BCL11B: variants seen among roughly 807,000 people sequenced by gnomAD.
BCL11B encodes B-cell lymphoma/leukemia 11B.
In BCL11B, 8 loss-of-function variants were observed where a neutral mutation model predicts 49.9. That is an observed-to-expected ratio of 0.16 (90% CI 0.09 to 0.29). The LOEUF (loss-of-function observed/expected upper bound fraction) is 0.29. Among genes scored for constraint, BCL11B ranks in the 10% least tolerant of loss-of-function variants. The probability of loss-of-function intolerance (pLI) is 1.00; values close to 1 mark genes in which losing one functional copy is unlikely to be tolerated. For synonymous variants in BCL11B, 739 were observed against 637.4 expected, an observed-to-expected ratio of 1.16 and a Z score of -2.40; for missense variants, 1,006 against 1,351.0, an observed-to-expected ratio of 0.74 and a Z score of 4.00.
chr14:99,202,122 T>C (rs975430528), intron 3 of BCL11B, among the ~76,000 whole-genome samples: 2 of 152,102 alleles, frequency 1.3e-5, no homozygotes, highest in Admixed American at 1.3e-4. Flanking sequence ...GCTGGGATTA[T>C]AGGCATACAC....
At position 99,228,273 on chromosome 14, in the gene BCL11B, CTAAT is replaced by C. The variant is rs1888214560; in HGVS notation, c.640+3068_640+3071del. On this transcript the variant is annotated intron_variant, in intron 3 of 3. Transcript: ENST00000357195. The surrounding 1 kb of genome is among the most constrained non-coding windows in gnomAD (Gnocchi z 4.8). ...GAACTTAATGACTCCATTCCAACTA[CTAAT>C]TAAACAGGCACTAAAAACACTTAAG... Among the ~76,000 whole-genome samples, 1 of 152,172 alleles carries C rather than the reference CTAAT, an allele frequency of 6.6e-6. No individual in the cohort carries two copies. The highest frequency in any genetic ancestry group is 6.5e-5 in the Admixed American group (1 of 15,284).
At chr14:99,206,606 G>T (rs1887540536) in intron 3 of BCL11B, among the ~76,000 whole-genome samples, 1 of 152,226 alleles carries the variant, frequency 6.6e-6, no homozygotes, top group African/African-American at 2.4e-5. Context: ...AACTGTGGTA[G>T]TATCGCAGTG....
At chr14:99,214,118 C>T (rs1887763638) in intron 3 of BCL11B, among the ~76,000 whole-genome samples, 1 of 152,230 alleles carries the variant, frequency 6.6e-6, no homozygotes, top group Admixed American at 6.5e-5. Context: ...CCCTTCCCTT[C>T]TGGCACAGTG....
At chr14:99,208,117 G>A (rs1887586709) in intron 3 of BCL11B, among the ~76,000 whole-genome samples, 1 of 152,210 alleles carries the variant, frequency 6.6e-6, no homozygotes, top group Non-Finnish European at 1.5e-5. Flanking sequence ...AAGTCCCAGG[G>A]GCCATGCATG....
intron 3 of BCL11B, among the ~76,000 whole-genome samples, chr14:99,201,663 CT>C (rs930151695): frequency 2.0e-5 from 3 of 152,334 alleles, no homozygotes; most frequent in African/African-American, 7.2e-5. Context: ...TGCACCGCCC[CT>C]GGCACATCCC....
At chr14:99,269,298 A>G (rs980533877) in intron 1 of BCL11B, among the ~76,000 whole-genome samples, 15 of 152,152 alleles carry the variant, frequency 9.9e-5, no homozygotes, top group Non-Finnish European at 2.1e-4. Context: ...AGGGTGTAGA[A>G]TAAGCGATTG....
At chr14:99,214,310 T>C (rs1887768221) in intron 3 of BCL11B, among the ~76,000 whole-genome samples, 2 of 152,116 alleles carry the variant, frequency 1.3e-5, no homozygotes, top group African/African-American at 4.8e-5. Context: ...CCCAGTGTTT[T>C]GGGAGGCCGA....
Position 99,172,657 on chromosome 14 carries a change from A to T in BCL11B, c.*1494T>A, listed in dbSNP as rs1886328840. 1 of 215,430 alleles carries T rather than the reference A, an allele frequency of 4.6e-6. No homozygotes were observed. Among genetic ancestry groups the T allele is most frequent in the Non-Finnish European group, 9.4e-6 (1 of 106,610 alleles). 13.3% of individuals were successfully genotyped at this position (215,430 alleles called of 1,614,324 possible). A position where few individuals can be genotyped will look rare whatever the true frequency, so the allele number is the denominator to read the frequency against. On this transcript the variant is annotated 3_prime_UTR_variant, in exon 4 of 4. Transcript: ENST00000357195. Reference sequence around the variant, plus strand: ...GTGAATGCCACGCTTAGCAATACTGACACTCAATCTCAGCTGTCCCTTACA... The same window carrying T: ...GTGAATGCCACGCTTAGCAATACTGTCACTCAATCTCAGCTGTCCCTTACA...
At chr14:99,186,186 A>G (rs187312487) in intron 3 of BCL11B, among the ~76,000 whole-genome samples, 3 of 152,328 alleles carry the variant, frequency 2.0e-5, no homozygotes, top group African/African-American at 7.2e-5. Flanking sequence ...GGACCAGGAA[A>G]GATTCTCCAA....
rs1887506438 is a variant in BCL11B, at chr14:99,205,411, G to A, written c.640+25934C>T. ...GTTTGACGGTTTGGGAAAATTCGCG[G>A]ACTCTCCCAAAGCCTGCATCTCCCA... On this transcript the variant is annotated intron_variant, in intron 3 of 3. Coordinates refer to ENST00000357195, the MANE Select transcript of BCL11B (RefSeq NM_138576.4). This position sits in a 1 kb window ranked among gnomAD's most constrained non-coding sequence, Gnocchi z 5.0. Among the ~76,000 whole-genome samples, 2 of 152,170 alleles carry A rather than the reference G, an allele frequency of 1.3e-5. No individual in the cohort carries two copies. Among genetic ancestry groups the A allele is most frequent in the African/African-American group, 2.4e-5 (1 of 41,444 alleles).
intron 2 of BCL11B, among the ~76,000 whole-genome samples, chr14:99,254,647 G>A (rs757101921): frequency 1.1e-4 from 17 of 152,252 alleles, no homozygotes; most frequent in Admixed American, 7.2e-4. Context: ...GGCCAGCGAG[G>A]CCCTGGGGAC....
rs753451943 is a variant in BCL11B, at chr14:99,172,288, A to C, written c.*1863T>G. ...CATATCTAAGCAGCGTTGTCCCAAA[A>C]ACAAAAGGGGCTGAGGATAATTCAG... On this transcript the variant is annotated 3_prime_UTR_variant, in exon 4 of 4. Transcript: ENST00000357195. 5.3e-5 allele frequency: 12 copies of C among 226,180 alleles called. No homozygotes were observed. The highest frequency in any genetic ancestry group is 9.7e-5 in the Non-Finnish European group (11 of 113,484). The allele number at this position is 226,180 out of a possible 1,614,324, so 14.0% of individuals were successfully genotyped here. A position where few individuals can be genotyped will look rare whatever the true frequency, so the allele number is the denominator to read the frequency against.
intron 2 of BCL11B, among the ~76,000 whole-genome samples, chr14:99,239,680 C>A (rs1478993030): frequency 6.6e-6 from 1 of 152,148 alleles, no homozygotes; most frequent in African/African-American, 2.4e-5. Flanking sequence ...CTGTGCCTGA[C>A]CTTTGAGGAA....
chr14:99,188,757 C>T (rs1886935446), intron 3 of BCL11B, among the ~76,000 whole-genome samples: 2 of 152,228 alleles, frequency 1.3e-5, no homozygotes, highest in African/African-American at 4.8e-5. Context: ...GGGCCAGGGG[C>T]TGGTGGGGAG....
chr14:99,208,327 C>T (rs1887592872), intron 3 of BCL11B, among the ~76,000 whole-genome samples: 1 of 152,168 alleles, frequency 6.6e-6, no homozygotes, highest in Non-Finnish European at 1.5e-5. Flanking sequence ...CTCGGACTTC[C>T]CTGAGCCCCA....
Position 99,231,603 on chromosome 14 carries a change from T to C in BCL11B, c.428-46A>G, listed in dbSNP as rs748466482. 2.7e-5 allele frequency: 40 copies of C among 1,483,786 alleles called. No individual in the cohort carries two copies. The highest frequency in any genetic ancestry group is 3.7e-5 in the Non-Finnish European group (40 of 1,092,942). 91.9% of individuals were successfully genotyped at this position (1,483,786 alleles called of 1,614,324 possible). A position where few individuals can be genotyped will look rare whatever the true frequency, so the allele number is the denominator to read the frequency against. On this transcript the variant is annotated intron_variant, in intron 2 of 3. Coordinates refer to ENST00000357195, the MANE Select transcript of BCL11B (RefSeq NM_138576.4). This position sits in a 1 kb window ranked among gnomAD's most constrained non-coding sequence, Gnocchi z 8.1. ...AAGACTGGTCAGTCGGGCCCTGGAC[T>C]GTGTGAGGGGCACGGGGTGGGACGG...
At chr14:99,198,705 G>A (rs2664287) in intron 3 of BCL11B, among the ~76,000 whole-genome samples, 30,501 of 151,980 alleles carry the variant, frequency 0.2, 3,279 homozygotes, top group South Asian at 0.45. Flanking sequence ...CGCACCTTCC[G>A]CACCTTCCGA....
chr14:99,184,088 T>G lies in BCL11B; in HGVS notation c.641-7893A>C, dbSNP rs2139780074. On this transcript the variant is annotated intron_variant, in intron 3 of 3. Coordinates refer to ENST00000357195, the MANE Select transcript of BCL11B (RefSeq NM_138576.4). The surrounding 1 kb of genome is among the most constrained non-coding windows in gnomAD (Gnocchi z 6.1). ...GGGGCCTCCCTGATACCCAGGACGA[T>G]GTATCAGGCACCCCAGCCTTTGGGA... 6.6e-6 allele frequency among the ~76,000 whole-genome samples: 1 copy of G among 152,126 alleles called. No homozygotes were observed. Among genetic ancestry groups the G allele is most frequent in the South Asian group, 2.1e-4 (1 of 4,812 alleles).
chr14:99,218,632 A>C (rs1037554056), intron 3 of BCL11B, among the ~76,000 whole-genome samples: 3 of 152,112 alleles, frequency 2.0e-5, no homozygotes, highest in African/African-American at 7.2e-5. Context: ...AAGTGCCTGA[A>C]CCTGTCCCAG....
Sources: gnomAD v4.1 joint callset for allele counts (sites outside exome capture counted in the v4.1 genomes callset) on GRCh38, gnomAD v4.1.1 for gene constraint, Gnocchi (gnomAD v3.1) non-coding constraint, MANE v1.5 for transcripts, NCBI Gene and HGNC (gene_info 2026-07-23, HGNC 2026-07-21) for gene names.